The following RALGAPA1 variants were observed in gnomAD, a reference collection of about 807,000 sequenced individuals.
RALGAPA1 encodes the protein ral GTPase-activating protein subunit alpha-1.
Under a neutral mutation model 269.6 loss-of-function variants are expected in RALGAPA1, and 52 were observed. The observed-to-expected ratio is 0.19, with a 90% confidence interval of 0.15 to 0.24. The LOEUF (loss-of-function observed/expected upper bound fraction) is 0.24. Among genes scored for constraint, RALGAPA1 ranks in the 10% least tolerant of loss-of-function variants. The pLI is 1.00. For synonymous variants in RALGAPA1, 817 were observed against 1,008.3 expected, an observed-to-expected ratio of 0.81 and a Z score of 3.60; for missense variants, 1,917 against 3,013.9, an observed-to-expected ratio of 0.64 and a Z score of 8.52.
chr14:35,552,718 TCAAA>T (rs2055142364), intron 39 of RALGAPA1, among the ~76,000 whole-genome samples: 1 of 94,418 alleles, frequency 1.1e-5, no homozygotes, highest in African/African-American at 5.6e-5. Context: ...AACTAGCCAA[TCAAA>T]AAAAAAAAAA....
intron 36 of RALGAPA1, among the ~76,000 whole-genome samples, chr14:35,598,592 G>A (rs569367975): frequency 6.6e-6 from 1 of 151,964 alleles, no homozygotes; most frequent in East Asian, 1.9e-4. Flanking sequence ...GCTAATTTTT[G>A]CACTTTTAGT....
chr14:35,630,940 A>G (rs1459361684), intron 33 of RALGAPA1, among the ~76,000 whole-genome samples: 1 of 152,166 alleles, frequency 6.6e-6, no homozygotes, highest in Non-Finnish European at 1.5e-5. Flanking sequence ...AGTTATTTTT[A>G]TGATTATTAC....
chr14:35,806,086 G>A (rs116592231), intron 1 of RALGAPA1, among the ~76,000 whole-genome samples: 1,626 of 152,262 alleles, frequency 0.011, 33 homozygotes, highest in African/African-American at 0.037. Flanking sequence ...ATATACATAT[G>A]TAAAAATTAT....
At chr14:35,553,314 T>C (rs957398554) in intron 39 of RALGAPA1, among the ~76,000 whole-genome samples, 1 of 152,148 alleles carries the variant, frequency 6.6e-6, no homozygotes, top group Non-Finnish European at 1.5e-5. Flanking sequence ...TTGCGGCACG[T>C]ACAGAGAGGG....
intron 1 of RALGAPA1, among the ~76,000 whole-genome samples, chr14:35,786,367 C>T (rs764645991): frequency 6.6e-5 from 10 of 152,038 alleles, no homozygotes; most frequent in Non-Finnish European, 1.0e-4. Context: ...CAGCCAGGCG[C>T]GGTAGCTCAG....
chr14:35,725,538 T>C (rs2069817174), intron 13 of RALGAPA1, among the ~76,000 whole-genome samples: 1 of 152,176 alleles, frequency 6.6e-6, no homozygotes, highest in Non-Finnish European at 1.5e-5. Context: ...AAATCCATCT[T>C]TATAATATGG....
intron 35 of RALGAPA1, among the ~76,000 whole-genome samples, chr14:35,615,564 G>A (rs953840450): frequency 6.6e-6 from 1 of 152,058 alleles, no homozygotes; most frequent in African/African-American, 2.4e-5. Context: ...AAAAAACTAT[G>A]TAGTTTTCTT....
chr14:35,674,083 T>A (rs566119706), intron 24 of RALGAPA1, 97 bp downstream of exon 24: 1 of 836,680 alleles, frequency 1.2e-6, no homozygotes, highest in Non-Finnish European at 1.9e-6. Context: ...AAAAACTAAG[T>A]GCTCTAGAAG....
chr14:35,685,259 T>C lies in RALGAPA1; in HGVS notation c.4078-114A>G, dbSNP rs1400228623. The C allele has an allele frequency of 2.1e-5, 19 of 923,338 alleles. No homozygotes were observed. The East Asian group carries it at 4.7e-4, about 23-fold the overall frequency. The allele number at this position is 923,338 out of a possible 1,614,324, so 57.2% of individuals were successfully genotyped here. On this transcript the variant is annotated intron_variant, in intron 19 of 41. Transcript: ENST00000680220. ...AAATGCTGAGATTTAGAGGCTGAAG[T>C]AGGAGTGGAGAACACACTCACCAAA... is the stretch of plus-strand genomic sequence containing the variant.
Position 35,638,080 on chromosome 14 carries a change from A to G in RALGAPA1, c.5677-2482T>C, listed in dbSNP as rs1277777159. On this transcript the variant is annotated intron_variant, in intron 31 of 41. Coordinates refer to ENST00000680220, the MANE Select transcript of RALGAPA1 (RefSeq NM_001346249.2). Reference sequence around the variant, plus strand: ...CAAGAAATGCTAAAGGGATTTCTTCAGTCTGAAAGAAAAGAATGTTAATGA... The same window carrying G: ...CAAGAAATGCTAAAGGGATTTCTTCGGTCTGAAAGAAAAGAATGTTAATGA... Among the ~76,000 whole-genome samples the G allele has an allele frequency of 2.0e-5, 3 of 152,242 alleles. No individual in the cohort carries two copies. In the East Asian group the frequency reaches 5.8e-4, roughly 29 times the overall value.
At chr14:35,688,336 C>G in intron 18 of RALGAPA1, 123 bp downstream of exon 18, 1 of 1,120,370 alleles carries the variant, frequency 8.9e-7, no homozygotes, top group Non-Finnish European at 1.3e-6. Context: ...CATGCATAAC[C>G]AAACAGAGAG....
In RALGAPA1 at chr14:35,634,579, G is replaced by A. The variant is rs772058841; in HGVS notation, c.5990C>T (p.Thr1997Ile). ...SERSSKLQPV[T>I]EVKTQMQHGL... is the part of the protein sequence containing the mutation. ...CTGAACAGAATTCATGTTACCTTCTGTTACTGGCTGGAGTTTAGAAGATCG... is the reference window on the plus strand; with the variant it reads ...CTGAACAGAATTCATGTTACCTTCTATTACTGGCTGGAGTTTAGAAGATCG... The change falls in exon 33 of 42, where the codon ACA (threonine) becomes ATA (isoleucine). Residue 1997 changes from threonine (T) to isoleucine (I), a missense_variant. Transcript: ENST00000680220. The A allele has an allele frequency of 6.2e-7, 1 of 1,610,056 alleles. No homozygotes were observed. Among genetic ancestry groups the A allele is most frequent in the African/African-American group, 1.3e-5 (1 of 74,782 alleles).
At chr14:35,662,368 A>G (rs1440072815) in intron 27 of RALGAPA1, among the ~76,000 whole-genome samples, 1 of 152,204 alleles carries the variant, frequency 6.6e-6, no homozygotes, top group African/African-American at 2.4e-5. Context: ...GCTGTAGTTT[A>G]TAGAGTATAT....
chr14:35,649,101 A>G (rs1389433631), intron 31 of RALGAPA1, among the ~76,000 whole-genome samples: 2 of 152,198 alleles, frequency 1.3e-5, no homozygotes, highest in Non-Finnish European at 2.9e-5. Flanking sequence ...CAAATTTTCT[A>G]ATCAGGTATA....
chr14:35,588,489 G>T (rs1460783130), intron 37 of RALGAPA1, among the ~76,000 whole-genome samples: 1 of 152,082 alleles, frequency 6.6e-6, no homozygotes, highest in Non-Finnish European at 1.5e-5. Context: ...CATTTTAATA[G>T]AAAATAATCT....
At position 35,742,493 on chromosome 14, in the gene RALGAPA1, G is replaced by C. The variant is rs776277526; in HGVS notation, c.1324C>G (p.Gln442Glu). Residue 442 changes from glutamine to glutamate, a missense_variant, in exon 11 of 42, where the codon CAA (glutamine) becomes GAA (glutamate). By Grantham distance (29) the Gln-to-Glu change is conservative. Around this residue, in one of 11 missense-constraint regions of RALGAPA1, gnomAD observed 462 missense variants for 725.6 expected, o/e 0.64. Coordinates refer to ENST00000680220, the MANE Select transcript of RALGAPA1 (RefSeq NM_001346249.2). ...VVKVYQEWIQQEEKPLFMQEP... is the reference protein window; with the variant it reads ...VVKVYQEWIQEEEKPLFMQEP... ...TGCATGAACAAAGGTTTTTCCTCTTGTTGGATCCATTCTTGATATACTTTT... is the reference window on the plus strand; with the variant it reads ...TGCATGAACAAAGGTTTTTCCTCTTCTTGGATCCATTCTTGATATACTTTT... 4 of 1,600,954 alleles carry C rather than the reference G, an allele frequency of 2.5e-6. No homozygotes were observed. The South Asian group carries it at 3.3e-5, about 13-fold the overall frequency.
chr14:35,777,791 C>T (rs563894509), intron 1 of RALGAPA1, among the ~76,000 whole-genome samples: 28 of 151,954 alleles, frequency 1.8e-4, no homozygotes, highest in East Asian at 9.7e-4. Flanking sequence ...TCAAGTGATC[C>T]GCCCGCCTCA....
intron 39 of RALGAPA1, among the ~76,000 whole-genome samples, chr14:35,562,712 G>A (rs1037570335): frequency 6.6e-6 from 1 of 151,758 alleles, no homozygotes; most frequent in African/African-American, 2.4e-5. Context: ...AAAATATTTG[G>A]GGCTTTTCCA....
At chr14:35,625,150 C>CAA (rs35013388) in intron 35 of RALGAPA1, among the ~76,000 whole-genome samples, 425 of 57,676 alleles carry the variant, frequency 7.4e-3, no homozygotes, top group South Asian at 0.031. Flanking sequence ...GACTCTGTCT[C>CAA]AAAAAAAAAA....
Sources: gnomAD v4.1 joint callset for allele counts (sites outside exome capture counted in the v4.1 genomes callset) on GRCh38, gnomAD v4.1.1 for gene constraint, gnomAD v4.1.1 regional missense constraint, MANE v1.5 for transcripts, NCBI Gene and HGNC (gene_info 2026-07-23, HGNC 2026-07-21) for gene names.